PCDHGA3: variants seen among roughly 807,000 people sequenced by gnomAD.
PCDHGA3 encodes protocadherin gamma subfamily A, 3, also known as protocadherin gamma-A3.
In PCDHGA3, 40 loss-of-function variants were observed where a neutral mutation model predicts 58.5. The observed-to-expected ratio is 0.68, with a 90% confidence interval of 0.53 to 0.89. PCDHGA3 has a LOEUF of 0.89. Ranked by LOEUF, PCDHGA3 falls within the 40% of genes least tolerant of loss-of-function variation. The pLI, the probability that PCDHGA3 is intolerant of heterozygous loss-of-function variation, is 0.00. For synonymous variants in PCDHGA3, 530 were observed against 525.7 expected, an observed-to-expected ratio of 1.01 and a Z score of -0.11; for missense variants, 1,223 against 1,195.9, an observed-to-expected ratio of 1.02 and a Z score of -0.33.
chr5:141,442,006 G>A (rs540427406), intron 1 of PCDHGA3: 77 of 229,074 alleles, frequency 3.4e-4, no homozygotes, highest in African/African-American at 1.6e-3. Context: ...CTGACAGCTC[G>A]CACGATGGGC....
At chr5:141,398,079 G>A (rs1409220171) in intron 1 of PCDHGA3, 9 of 1,596,334 alleles carry the variant, frequency 5.6e-6, no homozygotes, top group Middle Eastern at 3.8e-4. Context: ...GAGGTTATTT[G>A]TAACCTGGCG....
intron 1 of PCDHGA3, among the ~76,000 whole-genome samples, chr5:141,469,315 G>A (rs1160946697): frequency 6.6e-6 from 1 of 151,866 alleles, no homozygotes; most frequent in African/African-American, 2.4e-5. Flanking sequence ...GATGGCTCAC[G>A]CCTGTAATCC....
chr5:141,509,765 T>G (rs1312823974), intron 3 of PCDHGA3, among the ~76,000 whole-genome samples: 2 of 152,120 alleles, frequency 1.3e-5, no homozygotes, highest in Non-Finnish European at 1.5e-5. Flanking sequence ...GTCCCTGAGA[T>G]GTCTAGTCCC....
intron 1 of PCDHGA3, chr5:141,396,045 C>G (rs2093338007): frequency 6.6e-6 from 1 of 152,166 alleles, no homozygotes; most frequent in Non-Finnish European, 1.5e-5. Context: ...TATTTCAATA[C>G]AATTCCAATT....
At chr5:141,481,220 C>T (rs896803040) in intron 1 of PCDHGA3, among the ~76,000 whole-genome samples, 1 of 152,130 alleles carries the variant, frequency 6.6e-6, no homozygotes, top group African/African-American at 2.4e-5. Context: ...GGTAAGGTCT[C>T]CCAGCCTTAA....
At chr5:141,362,972 A>G (rs1422229452) in intron 1 of PCDHGA3, among the ~76,000 whole-genome samples, 1 of 152,258 alleles carries the variant, frequency 6.6e-6, no homozygotes, top group African/African-American at 2.4e-5. Flanking sequence ...CAAAGAAGAA[A>G]GACTTTTGCA....
At chr5:141,449,588 CA>C (rs768743917) in intron 1 of PCDHGA3, among the ~76,000 whole-genome samples, 1,277 of 57,494 alleles carry the variant, frequency 0.022, 7 homozygotes, top group Middle Eastern at 0.041. Flanking sequence ...GACTCTGTCT[CA>C]AAAAAAAAAA....
At chr5:141,479,358 GC>G (rs2154577546) in intron 1 of PCDHGA3, 1 of 152,584 alleles carries the variant, frequency 6.6e-6, no homozygotes, top group Non-Finnish European at 1.5e-5. Flanking sequence ...GCTGCTCAGT[GC>G]CTGAGGTGGG....
intron 1 of PCDHGA3, chr5:141,410,361 G>A: frequency 1.9e-6 from 3 of 1,614,034 alleles, no homozygotes; most frequent in Non-Finnish European, 2.5e-6. Context: ...CGCTCTCTCA[G>A]CCCTGCTACT....
chr5:141,482,099 A>AG (rs1423781570), intron 1 of PCDHGA3, among the ~76,000 whole-genome samples: 1 of 151,852 alleles, frequency 6.6e-6, no homozygotes, highest in African/African-American at 2.4e-5. Flanking sequence ...CAAAAAAAAA[A>AG]AAAAAATATC....
At chr5:141,408,527 G>A in intron 1 of PCDHGA3, 1 of 1,614,072 alleles carries the variant, frequency 6.2e-7, no homozygotes, top group South Asian at 1.1e-5. Flanking sequence ...ATTGGAAGCT[G>A]TGGTGGAAAA....
At chr5:141,501,841 C>T (rs2099811330) in intron 2 of PCDHGA3, among the ~76,000 whole-genome samples, 1 of 152,130 alleles carries the variant, frequency 6.6e-6, no homozygotes, top group African/African-American at 2.4e-5. Flanking sequence ...CTGTTTGGCC[C>T]TCAACCTTCA....
At chr5:141,435,730 T>C (rs913229799) in intron 1 of PCDHGA3, among the ~76,000 whole-genome samples, 1 of 152,226 alleles carries the variant, frequency 6.6e-6, no homozygotes, top group African/African-American at 2.4e-5. Context: ...TAAAGTGTAT[T>C]ACTCTTTGAA....
chr5:141,360,178 C>T (rs1291288945), intron 1 of PCDHGA3: 2 of 1,609,980 alleles, frequency 1.2e-6, no homozygotes, highest in African/African-American at 1.3e-5. Context: ...GCGGTGGCTG[C>T]AGGTACTGTT....
chr5:141,402,746 T>C (rs956909207), intron 1 of PCDHGA3, among the ~76,000 whole-genome samples: 2 of 152,224 alleles, frequency 1.3e-5, no homozygotes, highest in African/African-American at 4.8e-5. Context: ...TGATCAACTC[T>C]AAGCGAAAAT....
chr5:141,355,318 G>C (rs963609371), intron 1 of PCDHGA3: 4 of 1,613,972 alleles, frequency 2.5e-6, no homozygotes, highest in Non-Finnish European at 3.4e-6. Flanking sequence ...TGAGGAGCAG[G>C]AAGAAGGCTC....
chr5:141,482,492 T>C (rs1167963137), intron 1 of PCDHGA3, among the ~76,000 whole-genome samples: 1 of 144,468 alleles, frequency 6.9e-6, no homozygotes, highest in Non-Finnish European at 1.5e-5. Flanking sequence ...TTAAAAGTTA[T>C]CATTCTGGTA....
chr5:141,442,343 G>A (rs1300318674), intron 1 of PCDHGA3: 1 of 152,336 alleles, frequency 6.6e-6, no homozygotes, highest in African/African-American at 2.4e-5. Context: ...CAGGTTTCTG[G>A]GTAACTGTAG....
chr5:141,485,383 G>C lies in PCDHGA3; in HGVS notation c.2425-9424G>C. 6.2e-7 allele frequency: 1 copy of C among 1,614,128 alleles called. No individual in the cohort carries two copies. Among genetic ancestry groups the C allele is most frequent in the Non-Finnish European group, 8.5e-7 (1 of 1,180,020 alleles). On this transcript the variant is annotated intron_variant, in intron 1 of 3. Coordinates refer to ENST00000253812, the MANE Select transcript of PCDHGA3 (RefSeq NM_018916.4). The surrounding 1 kb of genome is among the most constrained non-coding windows in gnomAD (Gnocchi z 5.7). Reference sequence around the variant, plus strand: ...GCAGGCTGCAGGTCGCTGGAGAGGTGAACCAAAGACACTTCCGTGTGGATT... The same window carrying C: ...GCAGGCTGCAGGTCGCTGGAGAGGTCAACCAAAGACACTTCCGTGTGGATT...
Sources: gnomAD v4.1 joint callset for allele counts (sites outside exome capture counted in the v4.1 genomes callset) on GRCh38, gnomAD v4.1.1 for gene constraint, Gnocchi (gnomAD v3.1) non-coding constraint, MANE v1.5 for transcripts, NCBI Gene and HGNC (gene_info 2026-07-23, HGNC 2026-07-21) for gene names.